TGFB1I1: variants seen among roughly 807,000 people sequenced by gnomAD.
TGFB1I1 encodes transforming growth factor beta-1-induced transcript 1 protein.
Under a neutral mutation model 52.0 loss-of-function variants are expected in TGFB1I1, and 33 were observed. The observed-to-expected ratio is 0.63, with a 90% confidence interval of 0.48 to 0.85. TGFB1I1 has a LOEUF of 0.85. TGFB1I1 is among the 40% of genes least tolerant of loss of function. The probability of loss-of-function intolerance (pLI) is 0.00; values close to 1 mark genes in which losing one functional copy is unlikely to be tolerated. For synonymous variants in TGFB1I1, 236 were observed against 253.3 expected (o/e 0.93, Z 0.65); for missense variants, 577 against 614.9 (o/e 0.94, Z 0.65).
chr16:31,475,374 T>G (rs2082417115), intron 7 of TGFB1I1: 1 of 152,830 alleles, frequency 6.5e-6, no homozygotes, highest in African/African-American at 2.4e-5. Flanking sequence ...TACAGCATTT[T>G]CTTCTAGTTC....
chr16:31,474,804 C>A lies in TGFB1I1; in HGVS notation c.714+47C>A, dbSNP rs1228547662. On this transcript the variant is annotated intron_variant, in intron 7 of 10. Transcript: ENST00000394863. This position sits in a 1 kb window ranked among gnomAD's most constrained non-coding sequence, Gnocchi z 4.2. Reference sequence around the variant, plus strand: ...GGGAGGCAGAGACCTGTCACAGACCCATCTTTAGTGAGAGCTGGGCTTTAT... The same window carrying A: ...GGGAGGCAGAGACCTGTCACAGACCAATCTTTAGTGAGAGCTGGGCTTTAT... The A allele has an allele frequency of 6.5e-7, 1 of 1,548,098 alleles. No homozygotes were observed.
rs971096269 is a variant in TGFB1I1 at position 31,477,041 on chromosome 16, G to T, written c.1119+31G>T. On this transcript the variant is annotated intron_variant, in intron 10 of 10. Coordinates refer to ENST00000394863, the MANE Select transcript of TGFB1I1 (RefSeq NM_001042454.3). The surrounding 1 kb of genome is among the most constrained non-coding windows in gnomAD (Gnocchi z 4.7). ...AGCTGCGGGGCGGGGCGTTGGAGGG[G>T]CGGGTCAAGGGTACAGGGCTGTGGG... is the stretch of plus-strand genomic sequence containing the variant. The T allele has an allele frequency of 1.3e-6, 2 of 1,543,522 alleles. No homozygotes were observed. The highest frequency in any genetic ancestry group is 3.7e-5 in the Admixed American group (2 of 53,368).
Position 31,477,661 on chromosome 16 carries a change from G to A in TGFB1I1, c.*85G>A. ...TCCAGACCCCGAGGCCTTGCTCTCA[G>A]AGCGGGAGGCCCCACCCACTGGAGA... On this transcript the variant is annotated 3_prime_UTR_variant, in exon 11 of 11. Transcript: ENST00000394863. This position sits in a 1 kb window ranked among gnomAD's most constrained non-coding sequence, Gnocchi z 4.7. The A allele has an allele frequency of 1.4e-6, 2 of 1,459,912 alleles. No homozygotes were observed. The highest frequency in any genetic ancestry group is 9.0e-7 in the Non-Finnish European group (1 of 1,107,656). The allele number at this position is 1,459,912 out of a possible 1,614,324, so 90.4% of individuals were successfully genotyped here. A position where few individuals can be genotyped will look rare whatever the true frequency, so the allele number is the denominator to read the frequency against.
Position 31,476,806 on chromosome 16 carries a change from G to A in TGFB1I1, c.971-56G>A, listed in dbSNP as rs565379047. On this transcript the variant is annotated intron_variant, in intron 9 of 10. Coordinates refer to ENST00000394863, the MANE Select transcript of TGFB1I1 (RefSeq NM_001042454.3). This position sits in a 1 kb window ranked among gnomAD's most constrained non-coding sequence, Gnocchi z 7.6. Reference sequence around the variant, plus strand: ...TCGGCCCCAGATCTCAGGTCTTGTGGGTCCCCCGTCCCGCCCGCACCCTTT... The same window carrying A: ...TCGGCCCCAGATCTCAGGTCTTGTGAGTCCCCCGTCCCGCCCGCACCCTTT... 2.5e-5 allele frequency: 40 copies of A among 1,603,992 alleles called. No homozygotes were observed. Among genetic ancestry groups the A allele is most frequent in the East Asian group, 4.5e-5 (2 of 44,116 alleles).
Position 31,476,977 on chromosome 16 carries a change from C to CG in TGFB1I1, c.1087dup (p.Ala363GlyfsTer?). The CG allele has an allele frequency of 6.3e-7, 1 of 1,594,554 alleles. No homozygotes were observed. Among genetic ancestry groups the CG allele is most frequent in the Non-Finnish European group, 8.5e-7 (1 of 1,175,882 alleles). On this transcript the variant is annotated frameshift_variant, in exon 10 of 11. Coordinates refer to ENST00000394863, the MANE Select transcript of TGFB1I1 (RefSeq NM_001042454.3). LOFTEE classifies it high-confidence loss of function. The surrounding 1 kb of genome is among the most constrained non-coding windows in gnomAD (Gnocchi z 7.6). ...TGGATAACTACATCTCGGCGCTCAG[C>CG]GCGCTCTGGCACCCGGACTGTTTCG... is the stretch of plus-strand genomic sequence containing the variant.
chr16:31,472,297 C>A (rs1424910169), intron 1 of TGFB1I1, 96 bp downstream of exon 1: 3 of 1,386,606 alleles, frequency 2.2e-6, no homozygotes, highest in African/African-American at 3.0e-5. Flanking sequence ...TCCCTGTCTT[C>A]TTACTTCTGC....
At position 31,474,675 on chromosome 16, in the gene TGFB1I1, T is replaced by C. The variant is rs753852947; in HGVS notation, c.632T>C (p.Leu211Pro). Reference protein sequence around the residue: ...KGSLDTMLGLLQSDLSRRGVP... With the variant: ...KGSLDTMLGLPQSDLSRRGVP... ...AGCCTAGACACCATGCTGGGGCTGC[T>C]GCAGTCCGACCTCAGCCGCCGGGGT... The change falls in exon 7 of 11, where the codon CTG (leucine) becomes CCG (proline). Residue 211 changes from leucine to proline, a missense_variant. Transcript: ENST00000394863. This position sits in a 1 kb window ranked among gnomAD's most constrained non-coding sequence, Gnocchi z 4.2. 1 of 1,613,344 alleles carries C rather than the reference T, an allele frequency of 6.2e-7. No individual in the cohort carries two copies. Among genetic ancestry groups the C allele is most frequent in the Non-Finnish European group, 8.5e-7 (1 of 1,179,860 alleles).
chr16:31,477,099 G>A lies in TGFB1I1; in HGVS notation c.1119+89G>A. 1 of 1,407,156 alleles carries A rather than the reference G, an allele frequency of 7.1e-7. No homozygotes were observed. Among genetic ancestry groups the A allele is most frequent in the Non-Finnish European group, 9.4e-7 (1 of 1,060,690 alleles). 87.2% of individuals were successfully genotyped at this position (1,407,156 alleles called of 1,614,324 possible). On this transcript the variant is annotated intron_variant, in intron 10 of 10. Transcript: ENST00000394863. This position sits in a 1 kb window ranked among gnomAD's most constrained non-coding sequence, Gnocchi z 4.7. ...CTTGGAGGGGCGGGTCAAGGGTGCA[G>A]GGCAGGGGGCGGGCCCTCGGGGGGG...
At position 31,476,473 on chromosome 16, in the gene TGFB1I1, C is replaced by A. The variant is rs749939777; in HGVS notation, c.889-8C>A. Reference sequence around the variant, plus strand: ...AGGCCGCGCTGAGTGCCCTCTCCCTCCCTGCAGAAGATGGTGACCGCCTTG... The same window carrying A: ...AGGCCGCGCTGAGTGCCCTCTCCCTACCTGCAGAAGATGGTGACCGCCTTG... On this transcript the variant is annotated splice_polypyrimidine_tract_variant and splice_region_variant and intron_variant, in intron 8 of 10. Transcript: ENST00000394863. This position sits in a 1 kb window ranked among gnomAD's most constrained non-coding sequence, Gnocchi z 7.6. 2 of 1,610,964 alleles carry A rather than the reference C, an allele frequency of 1.2e-6. No homozygotes were observed. The highest frequency in any genetic ancestry group is 1.7e-6 in the Non-Finnish European group (2 of 1,179,078).
In TGFB1I1 at chr16:31,476,336, C is replaced by A; in HGVS notation, c.889-145C>A. 8.0e-7 allele frequency: 1 copy of A among 1,251,784 alleles called. No individual in the cohort carries two copies. The highest frequency in any genetic ancestry group is 1.1e-6 in the Non-Finnish European group (1 of 905,116). 77.5% of individuals were successfully genotyped at this position (1,251,784 alleles called of 1,614,324 possible). The stretch of plus-strand genomic sequence containing the variant: ...AATGTCCACGGCCCCTTGGACTCCA[C>A]TCTTCCTTTCTGACCCCCACGTTCC... On this transcript the variant is annotated intron_variant, in intron 8 of 10. Transcript: ENST00000394863. This position sits in a 1 kb window ranked among gnomAD's most constrained non-coding sequence, Gnocchi z 7.6.
Position 31,472,156 on chromosome 16 carries a change from T to C in TGFB1I1, c.-33T>C. The C allele has an allele frequency of 4.1e-6, 2 of 489,058 alleles. No homozygotes were observed. Among genetic ancestry groups the C allele is most frequent in the South Asian group, 3.2e-5 (1 of 31,006 alleles). The allele number at this position is 489,058 out of a possible 1,614,324, so 30.3% of individuals were successfully genotyped here. On this transcript the variant is annotated 5_prime_UTR_variant, in exon 1 of 11. Transcript: ENST00000394863. ...CCCCCACCGGACACGGCCCCCGCCCTGTTCGCCCCGCGCCACCGGCCCGCG... is the reference window on the plus strand; with the variant it reads ...CCCCCACCGGACACGGCCCCCGCCCCGTTCGCCCCGCGCCACCGGCCCGCG...
At position 31,474,419 on chromosome 16, in the gene TGFB1I1, G is replaced by T; in HGVS notation, c.483G>T (p.Leu161=). The T allele has an allele frequency of 6.2e-7, 1 of 1,614,194 alleles. No homozygotes were observed. Among genetic ancestry groups the T allele is most frequent in the Non-Finnish European group, 8.5e-7 (1 of 1,180,050 alleles). Residue 161 remains leucine, a synonymous_variant, in exon 6 of 11, where the codon CTG becomes CTT. Transcript: ENST00000394863. This position sits in a 1 kb window ranked among gnomAD's most constrained non-coding sequence, Gnocchi z 4.2. The part of the protein sequence containing the change: ...ATSATLELDR[L]MASLSDFRVQ... Reference sequence around the variant, plus strand: ...CAGCCACTCTGGAGCTGGATAGACTGATGGCCTCACTCTCTGACTTCCGCG... The same window carrying T: ...CAGCCACTCTGGAGCTGGATAGACTTATGGCCTCACTCTCTGACTTCCGCG...
chr16:31,475,907 T>A, intron 7 of TGFB1I1, 105 bp from the exon 8 acceptor site: 5 of 1,241,300 alleles, frequency 4.0e-6, no homozygotes, highest in Non-Finnish European at 5.6e-6. Flanking sequence ...CTGGATTCTT[T>A]ATTCTGATCG....
In TGFB1I1 at chr16:31,476,199, G is replaced by C; in HGVS notation, c.888+14G>C. ...CCCATCCGACACGTGAGCCCCGCCC[G>C]GCCGCACCGAGCCCGCCCTATCTCA... On this transcript the variant is annotated intron_variant, in intron 8 of 10. Transcript: ENST00000394863. The surrounding 1 kb of genome is among the most constrained non-coding windows in gnomAD (Gnocchi z 7.6). The C allele has an allele frequency of 6.2e-7, 1 of 1,607,956 alleles. No individual in the cohort carries two copies. Among genetic ancestry groups the C allele is most frequent in the Non-Finnish European group, 8.5e-7 (1 of 1,178,082 alleles).
rs1199958074 is a variant in TGFB1I1, at chr16:31,477,063, T to C, written c.1119+53T>C. ...GGGGCGGGTCAAGGGTACAGGGCTGTGGGGCGGGGCCTTGGAGGGGCGGGT... is the reference window on the plus strand; with the variant it reads ...GGGGCGGGTCAAGGGTACAGGGCTGCGGGGCGGGGCCTTGGAGGGGCGGGT... On this transcript the variant is annotated intron_variant, in intron 10 of 10. Transcript: ENST00000394863. The surrounding 1 kb of genome is among the most constrained non-coding windows in gnomAD (Gnocchi z 4.7). The C allele has an allele frequency of 8.7e-6, 4 of 458,476 alleles. No homozygotes were observed. Among genetic ancestry groups the C allele is most frequent in the Non-Finnish European group, 1.3e-5 (4 of 318,538 alleles). The allele number at this position is 458,476 out of a possible 1,614,324, so 28.4% of individuals were successfully genotyped here. A position where few individuals can be genotyped will look rare whatever the true frequency, so the allele number is the denominator to read the frequency against.
At chr16:31,473,647 GC>G in intron 2 of TGFB1I1, 34 bp from the exon 3 acceptor site, 1 of 1,586,928 alleles carries the variant, frequency 6.3e-7, no homozygotes, top group Non-Finnish European at 8.6e-7. Context: ...CAGAGTGCAG[GC>G]CTGTCATCCC....
At position 31,476,520 on chromosome 16, in the gene TGFB1I1, C is replaced by T; in HGVS notation, c.928C>T (p.His310Tyr). ...CTTGGGCACTCACTGGCACCCAGAG[C>T]ATTTCTGCTGCGTCAGTTGCGGGGA... ...TALGTHWHPE[H>Y]FCCVSCGEPF... Residue 310 changes from histidine to tyrosine, a missense_variant, in exon 9 of 11, where the codon CAT becomes TAT. This residue lies in a region of TGFB1I1 where 456 missense variants were observed against 461.6 expected (regional missense o/e 0.99). Transcript: ENST00000394863. The surrounding 1 kb of genome is among the most constrained non-coding windows in gnomAD (Gnocchi z 7.6). The T allele has an allele frequency of 6.2e-7, 1 of 1,613,640 alleles. No homozygotes were observed. Among genetic ancestry groups the T allele is most frequent in the Non-Finnish European group, 8.5e-7 (1 of 1,179,918 alleles).
Position 31,473,708 on chromosome 16 carries a change from C to T in TGFB1I1, c.156C>T (p.Ala52=). 6.4e-7 allele frequency: 1 copy of T among 1,552,942 alleles called. No individual in the cohort carries two copies. The highest frequency in any genetic ancestry group is 8.7e-7 in the Non-Finnish European group (1 of 1,150,562). Residue 52 remains alanine, a synonymous_variant, in exon 3 of 11, where the codon GCC becomes GCT. Transcript: ENST00000394863. The part of the protein sequence containing the change: ...PQTGSGESSG[A]SGDKDHLYST... ...CAGGGTCTGGGGAGTCTTCAGGAGC[C>T]TCGGGGGACAAGGACCACCTGTACA...
rs1451526447 is a variant in TGFB1I1 at position 31,476,866 on chromosome 16, C to T, written c.975C>T (p.Phe325=). The T allele has an allele frequency of 6.2e-7, 1 of 1,611,812 alleles. No homozygotes were observed. Among genetic ancestry groups the T allele is most frequent in the South Asian group, 1.1e-5 (1 of 91,012 alleles). ...CCACTCGGTTCCCTCTCCTAGGTTT[C>T]CACGAGCGCGAGGGCCGCCCCTACT... The part of the protein sequence containing the change: ...SCGEPFGDEG[F]HEREGRPYCR... Residue 325 remains phenylalanine (F), a synonymous_variant, in exon 10 of 11, where the codon TTC becomes TTT. Transcript: ENST00000394863. The surrounding 1 kb of genome is among the most constrained non-coding windows in gnomAD (Gnocchi z 7.6).
Sources: gnomAD v4.1 joint callset for allele counts on GRCh38, gnomAD v4.1.1 for gene constraint, gnomAD v4.1.1 regional missense constraint, Gnocchi (gnomAD v3.1) non-coding constraint, MANE v1.5 for transcripts, NCBI Gene and HGNC (gene_info 2026-07-23, HGNC 2026-07-21) for gene names.